Variants in DLC1 observed in about 807,000 individuals in gnomAD.
DLC1 encodes DLC1 Rho GTPase activating protein, also known as rho GTPase-activating protein 7.
Under a neutral mutation model 140.3 loss-of-function variants are expected in DLC1, and 54 were observed. The ratio of observed to expected loss-of-function variants is 0.38; its 90% CI spans 0.31 to 0.48. The LOEUF (loss-of-function observed/expected upper bound fraction) is 0.48. Ranked by LOEUF, DLC1 falls within the 20% of genes least tolerant of loss-of-function variation. The pLI is 0.96. For missense variants in DLC1, 2,536 were observed against 1,907.0 expected (o/e 1.33, Z -6.14); for synonymous variants, 986 against 728.1 (o/e 1.35, Z -5.70).
At chr8:13,268,304 T>C (rs1437793097) in intron 5 of DLC1, among the ~76,000 whole-genome samples, 1 of 152,204 alleles carries the variant, frequency 6.6e-6, no homozygotes, top group African/African-American at 2.4e-5. Context: ...TTAAGGATGA[T>C]GCACTAACTT....
At chr8:13,590,284 C>G (rs1325068110) in intron 1 of DLC1, among the ~76,000 whole-genome samples, 1 of 151,924 alleles carries the variant, frequency 6.6e-6, no homozygotes, top group African/African-American at 2.4e-5. Flanking sequence ...AAGGTAGAAG[C>G]CATAAAACCC....
chr8:13,356,572 T>G (rs1459385627), intron 4 of DLC1, among the ~76,000 whole-genome samples: 1 of 152,226 alleles, frequency 6.6e-6, no homozygotes, highest in Non-Finnish European at 1.5e-5. Context: ...CTCCTTAGAA[T>G]TTTTCCAAAT....
chr8:13,505,884 T>C (rs558555387), intron 1 of DLC1, among the ~76,000 whole-genome samples: 61 of 152,180 alleles, frequency 4.0e-4, no homozygotes, highest in Non-Finnish European at 7.9e-4. Flanking sequence ...TAAAATAACA[T>C]ATAAATAGCA....
chr8:13,355,136 G>C (rs1287377530), intron 4 of DLC1, among the ~76,000 whole-genome samples: 1 of 151,460 alleles, frequency 6.6e-6, no homozygotes, highest in African/African-American at 2.4e-5. Flanking sequence ...TATTCAAATA[G>C]TCTAAATATT....
At chr8:13,207,322 T>C (rs1827714426) in intron 5 of DLC1, among the ~76,000 whole-genome samples, 1 of 152,206 alleles carries the variant, frequency 6.6e-6, no homozygotes. Context: ...TTTGGGTTAC[T>C]GTTAGGCTAG....
chr8:13,386,229 T>C (rs990858515), intron 4 of DLC1, among the ~76,000 whole-genome samples: 2 of 152,196 alleles, frequency 1.3e-5, no homozygotes, highest in African/African-American at 2.4e-5. Flanking sequence ...TTATTTCTTA[T>C]GCTATTAATC....
chr8:13,100,648 G>A lies in DLC1; in HGVS notation c.1689C>T (p.Val563=). 7 of 1,614,144 alleles carry A rather than the reference G, an allele frequency of 4.3e-6. No individual in the cohort carries two copies. Among genetic ancestry groups the A allele is most frequent in the Non-Finnish European group, 5.1e-6 (6 of 1,180,026 alleles). ...GGTGGGAGTCGTCTGGGGACCCAGG[G>A]ACCAGGTCTTGTTTTGGAGAAAAGA... ...FDVFSPKQDL[V]PGSPDDSHPK... Residue 563 remains valine (V), a synonymous_variant, in exon 9 of 18, where the codon GTC becomes GTT. Transcript: ENST00000276297.
rs765950446 is a variant in DLC1, at chr8:13,110,762, A to G, written c.1482T>C (p.Asp494=). ...TTTACCTGCATAGAGCCTCAATGGC[A>G]TCTCTGTCCAAAAAATCATGCTCTC... ...VKREHDFLDR[D]AIEALCRRLN... is the part of the protein sequence containing the mutation. Residue 494 remains aspartate, a synonymous_variant, in exon 7 of 18, where the codon GAT becomes GAC. Transcript: ENST00000276297. 1.2e-6 allele frequency: 2 copies of G among 1,614,106 alleles called. No homozygotes were observed. Among genetic ancestry groups the G allele is most frequent in the Non-Finnish European group, 8.5e-7 (1 of 1,180,024 alleles).
intron 4 of DLC1, among the ~76,000 whole-genome samples, chr8:13,356,922 A>G (rs932554952): frequency 6.6e-6 from 1 of 151,786 alleles, no homozygotes; most frequent in African/African-American, 2.4e-5. Flanking sequence ...TTAGGGTTGC[A>G]GAAAGTCTTG....
At chr8:13,602,529 G>A (rs892227680) in intron 1 of DLC1, among the ~76,000 whole-genome samples, 4 of 151,686 alleles carry the variant, frequency 2.6e-5, no homozygotes, top group African/African-American at 9.7e-5. Context: ...GATGTCTAGG[G>A]TTTACATCAA....
intron 2 of DLC1, among the ~76,000 whole-genome samples, chr8:13,434,117 T>C (rs1215748222): frequency 6.6e-6 from 1 of 152,226 alleles, no homozygotes; most frequent in Non-Finnish European, 1.5e-5. Flanking sequence ...CCTCAGGTGA[T>C]CCACCTGCCT....
chr8:13,543,585 T>C (rs899003712), intron 1 of DLC1, among the ~76,000 whole-genome samples: 3 of 152,078 alleles, frequency 2.0e-5, no homozygotes, highest in Admixed American at 2.0e-4. Flanking sequence ...ATAAAGAAAA[T>C]GTGATACATA....
At chr8:13,565,805 T>A (rs990528412) in intron 1 of DLC1, among the ~76,000 whole-genome samples, 9 of 152,164 alleles carry the variant, frequency 5.9e-5, no homozygotes, top group South Asian at 2.1e-4. Context: ...CTAGGAAAAG[T>A]CCATCTCTAG....
At chr8:13,501,551 C>T (rs1801820546) in intron 1 of DLC1, among the ~76,000 whole-genome samples, 1 of 152,180 alleles carries the variant, frequency 6.6e-6, no homozygotes, top group Non-Finnish European at 1.5e-5. Flanking sequence ...TCTCTTTAGT[C>T]TATTCTATTG....
At chr8:13,208,870 C>G (rs1031541294) in intron 5 of DLC1, among the ~76,000 whole-genome samples, 7 of 151,894 alleles carry the variant, frequency 4.6e-5, no homozygotes, top group Admixed American at 4.6e-4. Flanking sequence ...ATGTTTCTAT[C>G]AGAAGAGAAA....
chr8:13,118,032 CAG>C (rs1820724686), intron 5 of DLC1, among the ~76,000 whole-genome samples: 1 of 116,070 alleles, frequency 8.6e-6, no homozygotes, highest in African/African-American at 3.6e-5. Context: ...TTTTTTGAGA[CAG>C]AGTCTTGCTC....
intron 5 of DLC1, among the ~76,000 whole-genome samples, chr8:13,303,974 C>T (rs1393734406): frequency 6.6e-6 from 1 of 152,118 alleles, no homozygotes; most frequent in Non-Finnish European, 1.5e-5. Context: ...CCCTCCTGAC[C>T]AGCCAACAAC....
intron 5 of DLC1, chr8:13,132,809 G>T (rs1382171317): frequency 2.7e-6 from 3 of 1,118,908 alleles, no homozygotes; most frequent in Middle Eastern, 3.9e-4. Flanking sequence ...AAAATCCGGA[G>T]ACTCTGCAGA....
At chr8:13,278,943 T>C (rs961753831) in intron 5 of DLC1, among the ~76,000 whole-genome samples, 2 of 152,160 alleles carry the variant, frequency 1.3e-5, no homozygotes, top group Non-Finnish European at 2.9e-5. Flanking sequence ...AAAGCTTACA[T>C]AGTAAGTGGC....
Sources: allele counts gnomAD v4.1 joint callset (sites outside exome capture counted in the v4.1 genomes callset), GRCh38; gene constraint gnomAD v4.1.1; transcripts MANE v1.5; gene names NCBI Gene and HGNC (gene_info 2026-07-23, HGNC 2026-07-21).